The following CCT3 variants were observed in gnomAD, a reference collection of about 807,000 sequenced individuals.
CCT3 encodes chaperonin containing TCP1 subunit 3, also known as T-complex protein 1 subunit gamma.
In CCT3, 10 loss-of-function variants were observed where a neutral mutation model predicts 65.3. The ratio of observed to expected loss-of-function variants is 0.15; its 90% confidence interval spans 0.09 to 0.26. The LOEUF (loss-of-function observed/expected upper bound fraction) is 0.26. Among genes scored for constraint, CCT3 ranks in the 10% least tolerant of loss-of-function variants. The pLI is 1.00. For missense variants in CCT3, 626 were observed against 708.7 expected, an observed-to-expected ratio of 0.88 and a Z score of 1.33; for synonymous variants, 225 against 242.3, an observed-to-expected ratio of 0.93 and a Z score of 0.66.
intron 13 of CCT3, 72 bp downstream of exon 13, chr1:156,310,486 T>A: frequency 1.7e-6 from 2 of 1,196,894 alleles, no homozygotes; most frequent in Non-Finnish European, 1.1e-6. Flanking sequence ...TGAGACTGCG[T>A]CTCAAAAATA....
intron 6 of CCT3, among the ~76,000 whole-genome samples, chr1:156,324,233 A>C (rs982674242): frequency 6.9e-6 from 1 of 145,792 alleles, no homozygotes; most frequent in Non-Finnish European, 1.5e-5. Flanking sequence ...ATGCCCAGCT[A>C]ATTTTCTGTA....
intron 6 of CCT3, among the ~76,000 whole-genome samples, chr1:156,323,260 C>G (rs944378373): frequency 1.3e-3 from 141 of 112,250 alleles, no homozygotes; most frequent in Admixed American, 2.5e-3. Flanking sequence ...GAGCCGAGAT[C>G]GCGCCATTCA....
At chr1:156,328,201 G>A (rs1359447271) in intron 5 of CCT3, among the ~76,000 whole-genome samples, 1 of 122,164 alleles carries the variant, frequency 8.2e-6, no homozygotes, top group African/African-American at 2.7e-5. Flanking sequence ...AGGGAGGTGG[G>A]GGGGGTCAGT....
At chr1:156,313,503 G>T (rs144209584) in intron 10 of CCT3, among the ~76,000 whole-genome samples, 13 of 152,290 alleles carry the variant, frequency 8.5e-5, no homozygotes, top group Admixed American at 1.3e-4. Flanking sequence ...GGAGCACCAG[G>T]ATTTTGTGCA....
intron 9 of CCT3, 50 bp downstream of exon 9, chr1:156,317,365 C>G: frequency 1.9e-6 from 3 of 1,599,938 alleles, no homozygotes; most frequent in Non-Finnish European, 2.6e-6. Flanking sequence ...AACAAATCAC[C>G]CACCCTCGTC....
intron 3 of CCT3, 32 bp downstream of exon 3, chr1:156,334,836 A>G: frequency 6.2e-7 from 1 of 1,613,796 alleles, no homozygotes; most frequent in South Asian, 1.1e-5. Context: ...AAAAAATTGT[A>G]GCCTAAGAGT....
chr1:156,335,306 A>G, intron 2 of CCT3: 1 of 195,666 alleles, frequency 5.1e-6, no homozygotes, highest in Non-Finnish European at 1.0e-5. Context: ...TGGATACAGA[A>G]ATGACTTTTC....
chr1:156,335,722 T>G (rs759445035), intron 2 of CCT3, 105 bp downstream of exon 2: 19 of 857,100 alleles, frequency 2.2e-5, no homozygotes, highest in Non-Finnish European at 3.6e-5. Context: ...CTCTGCCTAT[T>G]TGCCTACTCT....
At chr1:156,334,530 C>T (rs1665250553) in intron 4 of CCT3, among the ~76,000 whole-genome samples, 183 bp downstream of exon 4, 1 of 152,138 alleles carries the variant, frequency 6.6e-6, no homozygotes, top group Admixed American at 6.6e-5. Context: ...CCTACTGACG[C>T]CTTTATTTCA....
At chr1:156,334,226 C>A (rs189939652) in intron 4 of CCT3, among the ~76,000 whole-genome samples, 1 of 132,908 alleles carries the variant, frequency 7.5e-6, no homozygotes, top group Non-Finnish European at 1.5e-5. Context: ...GTGACAAGAG[C>A]GAGACTCCGT....
intron 5 of CCT3, among the ~76,000 whole-genome samples, chr1:156,326,848 G>C (rs1414407581): frequency 6.6e-6 from 1 of 152,048 alleles, no homozygotes; most frequent in Non-Finnish European, 1.5e-5. Context: ...GGAGTTTTGA[G>C]ACTAGCCTGG....
chr1:156,313,211 C>A (rs577215432), intron 10 of CCT3, among the ~76,000 whole-genome samples: 1 of 151,868 alleles, frequency 6.6e-6, no homozygotes, highest in Non-Finnish European at 1.5e-5. Flanking sequence ...TCATGGCACA[C>A]GCCTGTACTC....
At position 156,312,096 on chromosome 1, in the gene CCT3, T is replaced by C. The variant is rs952599898; in HGVS notation, c.1100A>G (p.Lys367Arg). ...GAGAATGGTGCAGGCCTTGGGGTCT[T>C]TGCAGTCAGTGATGAAAGTAAAGTA... is the stretch of plus-strand genomic sequence containing the variant. ...DEYFTFITDC[K>R]DPKACTILLR... Residue 367 changes from lysine to arginine, a missense_variant, in exon 11 of 14, where the codon AAA becomes AGA. Coordinates refer to ENST00000295688, the MANE Select transcript of CCT3 (RefSeq NM_005998.5). 2 of 1,613,984 alleles carry C rather than the reference T, an allele frequency of 1.2e-6. No individual in the cohort carries two copies. The highest frequency in any genetic ancestry group is 8.5e-7 in the Non-Finnish European group (1 of 1,179,994).
chr1:156,311,013 G>A lies in CCT3; in HGVS notation c.1338C>T (p.Val446=), dbSNP rs377201230. The A allele has an allele frequency of 3.7e-6, 6 of 1,614,112 alleles. No homozygotes were observed. In the African/African-American group the frequency reaches 8.0e-5, roughly 22 times the overall value. ...AGTTCTGGATCAGGGTACGAGGAATGACCTCTAGGGCCTGGGCAACAGCCC... is the reference window on the plus strand; with the variant it reads ...AGTTCTGGATCAGGGTACGAGGAATAACCTCTAGGGCCTGGGCAACAGCCC... The part of the protein sequence containing the change: ...PYRAVAQALE[V]IPRTLIQNCG... The change falls in exon 12 of 14, where the codon GTC becomes GTT. Residue 446 remains valine, a synonymous_variant. Transcript: ENST00000295688.
intron 8 of CCT3, among the ~76,000 whole-genome samples, chr1:156,318,287 G>C (rs1350774030): frequency 6.8e-6 from 1 of 147,866 alleles, no homozygotes; most frequent in Non-Finnish European, 1.5e-5. Context: ...TCAGTGGCGT[G>C]ATCACAGCTC....
intron 5 of CCT3, among the ~76,000 whole-genome samples, chr1:156,331,498 C>T (rs1421189396): frequency 4.6e-5 from 7 of 151,984 alleles, no homozygotes; most frequent in Non-Finnish European, 1.0e-4. Flanking sequence ...GTCTGGCCAA[C>T]ATGGTGAAAC....
intron 6 of CCT3, among the ~76,000 whole-genome samples, chr1:156,322,665 C>T (rs1171228366): frequency 6.6e-6 from 1 of 151,844 alleles, no homozygotes; most frequent in African/African-American, 2.4e-5. Flanking sequence ...TGAGACCAGC[C>T]TGACCAATGT....
chr1:156,309,424 T>C (rs1364493452), intron 13 of CCT3, 121 bp from the exon 14 acceptor site: 1 of 693,248 alleles, frequency 1.4e-6, no homozygotes, highest in Non-Finnish European at 2.5e-6. Flanking sequence ...ATCTACCTTT[T>C]CAGTCTTTTA....
At chr1:156,336,675 C>T (rs1272513818) in intron 1 of CCT3, among the ~76,000 whole-genome samples, 1 of 152,214 alleles carries the variant, frequency 6.6e-6, no homozygotes. Context: ...CACTCACCCC[C>T]AGGCCATGTC....
Sources: allele counts gnomAD v4.1 joint callset (sites outside exome capture counted in the v4.1 genomes callset), GRCh38; gene constraint gnomAD v4.1.1; transcripts MANE v1.5; gene names NCBI Gene and HGNC (gene_info 2026-07-23, HGNC 2026-07-21).